Variants in N4BP2 observed in about 807,000 individuals in gnomAD.
N4BP2 encodes the protein NEDD4-binding protein 2.
N4BP2 carries 91 observed loss-of-function variants against 152.8 expected under a neutral mutation model. That is an observed-to-expected ratio of 0.60 (90% confidence interval 0.50 to 0.71). The LOEUF (loss-of-function observed/expected upper bound fraction) is 0.71. Ranked by LOEUF, N4BP2 falls within the 30% of genes least tolerant of loss-of-function variation. The pLI is 0.00. For synonymous variants in N4BP2, 646 were observed against 705.3 expected, an observed-to-expected ratio of 0.92 and a Z score of 1.33; for missense variants, 1,923 against 2,059.1, an observed-to-expected ratio of 0.93 and a Z score of 1.28.
At chr4:40,085,328 G>A (rs1713834175) in intron 2 of N4BP2, among the ~76,000 whole-genome samples, 1 of 152,198 alleles carries the variant, frequency 6.6e-6, no homozygotes. Flanking sequence ...GAGTCACTGC[G>A]CCCAGCCTGA....
chr4:40,114,939 C>G (rs368087542), intron 7 of N4BP2, among the ~76,000 whole-genome samples: 1 of 152,124 alleles, frequency 6.6e-6, no homozygotes, highest in African/African-American at 2.4e-5. Context: ...AAGTTCCCTC[C>G]TGCAATCTTA....
intron 7 of N4BP2, among the ~76,000 whole-genome samples, chr4:40,114,841 C>T (rs962171226): frequency 5.9e-5 from 9 of 152,060 alleles, no homozygotes; most frequent in African/African-American, 1.2e-4. Context: ...GGAATTTTTC[C>T]GTTATAGCAA....
chr4:40,078,516 C>G (rs1713013647), intron 2 of N4BP2, among the ~76,000 whole-genome samples: 1 of 142,720 alleles, frequency 7.0e-6, no homozygotes, highest in Non-Finnish European at 1.5e-5. Flanking sequence ...AATTAATATC[C>G]TTTTTTTTTT....
At chr4:40,084,913 C>CTTT (rs569261971) in intron 2 of N4BP2, among the ~76,000 whole-genome samples, 41 of 121,016 alleles carry the variant, frequency 3.4e-4, no homozygotes, top group Non-Finnish European at 5.9e-4. Context: ...CAGCGCCTGG[C>CTTT]TTTTTTTTTT....
Position 40,152,867 on chromosome 4 carries a change from C to G in N4BP2, c.5231C>G (p.Pro1744Arg). 1 of 1,614,000 alleles carries G rather than the reference C, an allele frequency of 6.2e-7. No individual in the cohort carries two copies. Among genetic ancestry groups the G allele is most frequent in the East Asian group, 2.2e-5 (1 of 44,876 alleles). Residue 1744 changes from proline to arginine, a missense_variant, in exon 17 of 18, where the codon CCA becomes CGA. Coordinates refer to ENST00000261435, the MANE Select transcript of N4BP2 (RefSeq NM_018177.6). ...HSQGGVARIK[P>R]AVIKYLISHS... Reference sequence around the variant, plus strand: ...CAGGGAGGAGTTGCTCGCATCAAACCAGCTGTCATTAAGTACCTCATAAGC... The same window carrying G: ...CAGGGAGGAGTTGCTCGCATCAAACGAGCTGTCATTAAGTACCTCATAAGC...
rs911176148 is a variant in N4BP2, at chr4:40,157,347, G to A, written c.*3110G>A. 1 of 151,726 alleles carries A rather than the reference G, an allele frequency of 6.6e-6. No homozygotes were observed. The highest frequency in any genetic ancestry group is 1.5e-5 in the Non-Finnish European group (1 of 67,914). The allele number at this position is 151,726 out of a possible 1,614,324, so 9.4% of individuals were successfully genotyped here. ...GGACATATTATATAGCAGAAATTTT[G>A]ACTTTAAATCCTCTTGAGTAGTATA... On this transcript the variant is annotated 3_prime_UTR_variant, in exon 18 of 18. Transcript: ENST00000261435.
chr4:40,082,945 C>G (rs1055411188), intron 2 of N4BP2: 5 of 191,252 alleles, frequency 2.6e-5, no homozygotes, highest in South Asian at 8.9e-5. Context: ...CGTGATCTGC[C>G]TGCCTCAGCC....
chr4:40,058,811 T>C (rs991816921), intron 1 of N4BP2, among the ~76,000 whole-genome samples: 3 of 152,110 alleles, frequency 2.0e-5, no homozygotes, highest in Admixed American at 6.6e-5. Context: ...TACTGTTACA[T>C]AGTTGCATCT....
the N4BP2 span, among the ~76,000 whole-genome samples, chr4:40,175,368 A>G: frequency 6.6e-6 from 1 of 151,384 alleles, no homozygotes; most frequent in East Asian, 1.9e-4. Flanking sequence ...AAATATACAA[A>G]GACAATAAAA....
Position 40,124,244 on chromosome 4 carries a change from A to C in N4BP2, c.4330+39A>C, listed in dbSNP as rs368585792. On this transcript the variant is annotated intron_variant, in intron 11 of 17. Coordinates refer to ENST00000261435, the MANE Select transcript of N4BP2 (RefSeq NM_018177.6). ...TTTTATTTCTAATGTCTTAATGTTG[A>C]AATTTGGTGTGTGTGTTTGAATTTT... 4.0e-5 allele frequency: 61 copies of C among 1,509,138 alleles called. No individual in the cohort carries two copies. The African/African-American group carries it at 7.8e-4, about 19-fold the overall frequency. The allele number at this position is 1,509,138 out of a possible 1,614,324, so 93.5% of individuals were successfully genotyped here.
intron 1 of N4BP2, among the ~76,000 whole-genome samples, chr4:40,067,783 C>T (rs1423745867): frequency 6.6e-6 from 1 of 152,126 alleles, no homozygotes; most frequent in Non-Finnish European, 1.5e-5. Flanking sequence ...ACTGTAACCT[C>T]TGCGTCCCAG....
downstream of N4BP2, among the ~76,000 whole-genome samples, chr4:40,158,443 A>G (rs1035549172): frequency 6.6e-6 from 1 of 152,160 alleles, no homozygotes; most frequent in Non-Finnish European, 1.5e-5. Flanking sequence ...AGATAAATGG[A>G]TTGGCTATGG....
At chr4:40,153,396 A>C (rs1721312574) in intron 17 of N4BP2, among the ~76,000 whole-genome samples, 1 of 152,192 alleles carries the variant, frequency 6.6e-6, no homozygotes, top group Non-Finnish European at 1.5e-5. Context: ...GGTACGTTTA[A>C]ACTTTAGCAG....
the N4BP2 span, among the ~76,000 whole-genome samples, chr4:40,175,966 T>C: frequency 2.6e-5 from 4 of 151,700 alleles, no homozygotes; most frequent in Non-Finnish European, 5.9e-5. Context: ...GGCGGGCGCC[T>C]GTAGTCCCAG....
the N4BP2 span, among the ~76,000 whole-genome samples, chr4:40,179,466 T>C: frequency 6.6e-6 from 1 of 152,236 alleles, no homozygotes; most frequent in Non-Finnish European, 1.5e-5. Context: ...AAATCTTCTG[T>C]GTTGCAAGAG....
In N4BP2 at chr4:40,062,650, A is replaced by G. The variant is rs184098800; in HGVS notation, c.-212+5620A>G. On this transcript the variant is annotated intron_variant, in intron 1 of 17. Transcript: ENST00000261435. ...GGATCCTTATTGACACTTGGCTGTC[A>G]GTGTGCTAGCCCTATTAAGTTCCTT... is the stretch of plus-strand genomic sequence containing the variant. Among the ~76,000 whole-genome samples, 7 of 149,958 alleles carry G rather than the reference A, an allele frequency of 4.7e-5. No homozygotes were observed. The East Asian group carries it at 1.2e-3, about 25-fold the overall frequency.
chr4:40,060,836 C>T (rs1298746694), intron 1 of N4BP2, among the ~76,000 whole-genome samples: 1 of 152,118 alleles, frequency 6.6e-6, no homozygotes, highest in Non-Finnish European at 1.5e-5. Flanking sequence ...AACTTGTGGG[C>T]TCAAGCAGTC....
chr4:40,143,464 C>G (rs1331578598), intron 15 of N4BP2, among the ~76,000 whole-genome samples: 1 of 152,078 alleles, frequency 6.6e-6, no homozygotes, highest in African/African-American at 2.4e-5. Flanking sequence ...CAGGCACGTG[C>G]CACCAGGCCC....
intron 9 of N4BP2, 129 bp downstream of exon 9, chr4:40,122,438 A>G (rs376644836): frequency 3.9e-6 from 2 of 509,056 alleles, no homozygotes; most frequent in African/African-American, 3.9e-5. Context: ...CAGTGCCTCA[A>G]TCTTGGCTCA....
Sources: gnomAD v4.1 joint callset for allele counts (sites outside exome capture counted in the v4.1 genomes callset) on GRCh38, gnomAD v4.1.1 for gene constraint, MANE v1.5 for transcripts, NCBI Gene and HGNC (gene_info 2026-07-23, HGNC 2026-07-21) for gene names.